TENM2: variants seen among roughly 807,000 people sequenced by gnomAD.
TENM2 encodes the protein teneurin transmembrane protein 2.
In TENM2, 52 loss-of-function variants were observed where a neutral mutation model predicts 245.2. That is an observed-to-expected ratio of 0.21 (90% CI 0.17 to 0.27). TENM2 has a LOEUF of 0.27. Among genes scored for constraint, TENM2 ranks in the 10% least tolerant of loss-of-function variants. The pLI is 1.00. For synonymous variants in TENM2, 1,363 were observed against 1,438.9 expected, an observed-to-expected ratio of 0.95 and a Z score of 1.19; for missense variants, 3,046 against 3,666.8, an observed-to-expected ratio of 0.83 and a Z score of 4.37.
intron 4 of TENM2, among the ~76,000 whole-genome samples, chr5:167,973,553 T>C (rs1375685907): frequency 6.6e-6 from 1 of 152,170 alleles, no homozygotes; most frequent in Non-Finnish European, 1.5e-5. Flanking sequence ...AAGCTGGACA[T>C]GAGCTCAGGG....
intron 2 of TENM2, among the ~76,000 whole-genome samples, chr5:167,498,733 TAAG>T (rs2127553200): frequency 6.6e-6 from 1 of 151,508 alleles, no homozygotes; most frequent in South Asian, 2.1e-4. Flanking sequence ...AAACATGAAT[TAAG>T]AAAAAAAAAT....
At chr5:167,191,721 A>T in the TENM2 span, among the ~76,000 whole-genome samples, 1 of 152,066 alleles carries the variant, frequency 6.6e-6, no homozygotes. Context: ...AAGAAGAACC[A>T]CATTAGGGGT....
At position 168,244,246 on chromosome 5, in the gene TENM2, C is replaced by T. The variant is rs113763662; in HGVS notation, c.5521-174C>T. Among the ~76,000 whole-genome samples the T allele has an allele frequency of 6.3e-3, 958 of 152,220 alleles. 13 individuals carry two copies. The highest frequency in any genetic ancestry group is 0.022 in the African/African-American group (914 of 41,548). ...GCCACCACACCCGGCCAAATTTTGC[C>T]ATTTTCTATCTGTGCCATGATAAGG... On this transcript the variant is annotated intron_variant, in intron 25 of 28. Transcript: ENST00000518659. The surrounding 1 kb of genome is among the most constrained non-coding windows in gnomAD (Gnocchi z 4.9).
chr5:167,040,580 G>A, the TENM2 span, among the ~76,000 whole-genome samples: 4 of 152,016 alleles, frequency 2.6e-5, no homozygotes, highest in South Asian at 2.1e-4. Context: ...ATACCTATTC[G>A]TCACTTATGG....
intron 2 of TENM2, among the ~76,000 whole-genome samples, chr5:167,765,213 A>C (rs898096960): frequency 6.6e-6 from 1 of 152,222 alleles, no homozygotes; most frequent in Non-Finnish European, 1.5e-5. Flanking sequence ...AAATATGCAG[A>C]TGGAAAACTG....
At chr5:167,799,432 G>A (rs1765547691) in intron 2 of TENM2, among the ~76,000 whole-genome samples, 1 of 152,144 alleles carries the variant, frequency 6.6e-6, no homozygotes, top group Non-Finnish European at 1.5e-5. Flanking sequence ...ATTTATGGCA[G>A]ATACTTTTAC....
At chr5:167,263,201 T>C in the TENM2 span, among the ~76,000 whole-genome samples, 1 of 152,164 alleles carries the variant, frequency 6.6e-6, no homozygotes, top group Non-Finnish European at 1.5e-5. Flanking sequence ...CTAGCGTGTA[T>C]GAGCGCTTAC....
intron 1 of TENM2, among the ~76,000 whole-genome samples, chr5:167,315,190 A>G (rs1756286658): frequency 6.6e-6 from 1 of 152,196 alleles, no homozygotes; most frequent in Non-Finnish European, 1.5e-5. Flanking sequence ...CAAACTGCTT[A>G]TCAAATGACT....
At chr5:168,255,908 C>G (rs995067912) in intron 27 of TENM2, among the ~76,000 whole-genome samples, 2 of 151,916 alleles carry the variant, frequency 1.3e-5, no homozygotes, top group Non-Finnish European at 2.9e-5. Context: ...CAGGTTCAAG[C>G]AGTTTTCCTG....
At chr5:168,112,837 T>C (rs771283201) in intron 9 of TENM2, among the ~76,000 whole-genome samples, 1 of 152,184 alleles carries the variant, frequency 6.6e-6, no homozygotes, top group Non-Finnish European at 1.5e-5. Context: ...TTCAGGAGGA[T>C]CAATGCATCT....
chr5:167,383,772 A>G (rs973927052), intron 2 of TENM2, among the ~76,000 whole-genome samples: 1 of 149,756 alleles, frequency 6.7e-6, no homozygotes, highest in Non-Finnish European at 1.5e-5. Context: ...ATGTACCTTC[A>G]TTTTCCCTTG....
intron 2 of TENM2, among the ~76,000 whole-genome samples, chr5:167,727,976 G>A (rs981793232): frequency 2.0e-5 from 3 of 152,042 alleles, no homozygotes; most frequent in Non-Finnish European, 4.4e-5. Context: ...TGAGAGTGTC[G>A]CTTAGCTTAT....
intron 2 of TENM2, among the ~76,000 whole-genome samples, chr5:167,661,679 A>G (rs971021004): frequency 1.3e-5 from 2 of 152,234 alleles, no homozygotes; most frequent in Non-Finnish European, 2.9e-5. Flanking sequence ...ATAAATACTA[A>G]AAAGTGATTT....
At chr5:167,300,394 T>C (rs1184329665) in intron 1 of TENM2, among the ~76,000 whole-genome samples, 4 of 152,058 alleles carry the variant, frequency 2.6e-5, no homozygotes, top group East Asian at 1.9e-4. Context: ...AACAGAATAA[T>C]GCGTTGTAGA....
the TENM2 span, among the ~76,000 whole-genome samples, chr5:167,204,638 G>T: frequency 5.3e-5 from 8 of 152,208 alleles, no homozygotes; most frequent in Non-Finnish European, 7.3e-5. Context: ...GATGCCAGGG[G>T]CAGGGAAATC....
At chr5:168,117,139 A>T (rs1311674490) in intron 9 of TENM2, among the ~76,000 whole-genome samples, 1 of 152,162 alleles carries the variant, frequency 6.6e-6, no homozygotes, top group Non-Finnish European at 1.5e-5. Context: ...GGCCAAACTG[A>T]TTAAAGCTGT....
the TENM2 span, among the ~76,000 whole-genome samples, chr5:166,999,562 A>G: frequency 6.6e-6 from 1 of 152,000 alleles, no homozygotes; most frequent in Admixed American, 6.6e-5. Flanking sequence ...TAAAAGTAAG[A>G]ATGGAAAGAA....
chr5:167,959,341 C>A (rs1780821420), intron 4 of TENM2, among the ~76,000 whole-genome samples: 1 of 152,106 alleles, frequency 6.6e-6, no homozygotes, highest in South Asian at 2.1e-4. Flanking sequence ...ACTACAGGCG[C>A]ACACCACCAC....
At chr5:167,460,969 C>T (rs1766258078) in intron 2 of TENM2, among the ~76,000 whole-genome samples, 1 of 152,116 alleles carries the variant, frequency 6.6e-6, no homozygotes, top group Non-Finnish European at 1.5e-5. Context: ...GGTTTCAAAC[C>T]ACAAATAAGC....
Sources: gnomAD v4.1 joint callset for allele counts (sites outside exome capture counted in the v4.1 genomes callset) on GRCh38, gnomAD v4.1.1 for gene constraint, Gnocchi (gnomAD v3.1) non-coding constraint, MANE v1.5 for transcripts, NCBI Gene and HGNC (gene_info 2026-07-23, HGNC 2026-07-21) for gene names.